PALM2AKAP2: variants seen among roughly 807,000 people sequenced by gnomAD.
PALM2AKAP2 encodes the protein PALM2 and AKAP2 fusion, also known as PALM2-AKAP2 fusion protein.
Under a neutral mutation model 71.5 loss-of-function variants are expected in PALM2AKAP2, and 37 were observed. That is an observed-to-expected ratio of 0.52 (90% CI 0.40 to 0.68). The LOEUF is 0.68. PALM2AKAP2 is among the 30% of genes least tolerant of loss of function. PALM2AKAP2 has a pLI of 0.00. For missense variants in PALM2AKAP2, 1,224 were observed against 1,191.8 expected (o/e 1.03, Z -0.40); for synonymous variants, 468 against 478.8 (o/e 0.98, Z 0.29).
At chr9:109,984,565 A>G (rs1832337292) in intron 6 of PALM2AKAP2, among the ~76,000 whole-genome samples, 1 of 152,276 alleles carries the variant, frequency 6.6e-6, no homozygotes, top group Non-Finnish European at 1.5e-5. Flanking sequence ...ACAAAATTTT[A>G]GAAACTTTGG....
chr9:109,912,563 T>C (rs114744179), intron 3 of PALM2AKAP2, among the ~76,000 whole-genome samples: 495 of 152,346 alleles, frequency 3.2e-3, no homozygotes, highest in African/African-American at 0.011. Context: ...AAATGCGCTG[T>C]CTTCCTGAAA....
intron 3 of PALM2AKAP2, among the ~76,000 whole-genome samples, chr9:110,162,747 G>A (rs573263056): frequency 6.6e-6 from 1 of 152,304 alleles, no homozygotes; most frequent in African/African-American, 2.4e-5. Context: ...CTGTTGCCCA[G>A]GGTGGAGTAC....
chr9:109,929,062 C>T (rs1831026404), intron 5 of PALM2AKAP2, among the ~76,000 whole-genome samples: 1 of 152,206 alleles, frequency 6.6e-6, no homozygotes. Flanking sequence ...AAAGGTAACT[C>T]CATCATCCAT....
intron 3 of PALM2AKAP2, among the ~76,000 whole-genome samples, chr9:109,893,400 G>A (rs1359951313): frequency 6.6e-6 from 1 of 152,194 alleles, no homozygotes; most frequent in Non-Finnish European, 1.5e-5. Flanking sequence ...GGCAGACCAA[G>A]TTGAAAAGCG....
rs988263604 is a variant in PALM2AKAP2, at chr9:109,739,895, G to A, written c.6-40593G>A. 1.8e-4 allele frequency among the ~76,000 whole-genome samples: 28 copies of A among 152,174 alleles called. 1 individual carries two copies. Among genetic ancestry groups the A allele is most frequent in the Admixed American group, 1.6e-3 (24 of 15,264 alleles). On this transcript the variant is annotated intron_variant, in intron 1 of 6. Transcript: ENST00000374531. ...TCCCACCCGGAACACAAAATACACT[G>A]TCATGTGTCATCTTGCTTTGTGACT...
At chr9:109,965,412 G>T (rs1373844594) in intron 6 of PALM2AKAP2, among the ~76,000 whole-genome samples, 1 of 152,162 alleles carries the variant, frequency 6.6e-6, no homozygotes, top group East Asian at 1.9e-4. Context: ...GCCATAAAAG[G>T]AATGAAATTT....
chr9:109,708,506 C>A (rs532963364), intron 1 of PALM2AKAP2, among the ~76,000 whole-genome samples: 1 of 152,294 alleles, frequency 6.6e-6, no homozygotes, highest in South Asian at 2.1e-4. Context: ...GGCAGGAAAT[C>A]ATTTCAGAGT....
At chr9:110,091,646 T>C (rs1834715920) in intron 1 of PALM2AKAP2, among the ~76,000 whole-genome samples, 1 of 151,984 alleles carries the variant, frequency 6.6e-6, no homozygotes, top group South Asian at 2.1e-4. Flanking sequence ...GTATTTTTAG[T>C]AGAGATGGGG....
chr9:110,069,406 C>T (rs1834156617), intron 1 of PALM2AKAP2, among the ~76,000 whole-genome samples: 1 of 152,114 alleles, frequency 6.6e-6, no homozygotes, highest in Admixed American at 6.5e-5. Context: ...ATTTGTTTGT[C>T]CCAGGAACAG....
intron 1 of PALM2AKAP2, among the ~76,000 whole-genome samples, chr9:109,764,799 GA>G (rs1352296647): frequency 1.5e-5 from 2 of 134,350 alleles, no homozygotes; most frequent in African/African-American, 5.7e-5. Context: ...TGAATGAACG[GA>G]TAAAGGGATG....
At chr9:109,867,705 C>T (rs1170451093) in intron 2 of PALM2AKAP2, 134 bp downstream of exon 2, 7 of 1,002,010 alleles carry the variant, frequency 7.0e-6, no homozygotes, top group African/African-American at 6.6e-5. Flanking sequence ...ATCAGGAAAC[C>T]ATCTCTTGGC....
intron 1 of PALM2AKAP2, among the ~76,000 whole-genome samples, chr9:109,723,726 C>A (rs1398784554): frequency 1.3e-5 from 2 of 152,160 alleles, no homozygotes; most frequent in African/African-American, 2.4e-5. Context: ...GTACACAGCA[C>A]CTGCAAAAAA....
chr9:110,118,259 G>A (rs7861940), intron 1 of PALM2AKAP2, among the ~76,000 whole-genome samples: 2 of 151,214 alleles, frequency 1.3e-5, no homozygotes, highest in Non-Finnish European at 2.9e-5. Context: ...ATTTAATTTT[G>A]GTTTTTGAGA....
chr9:109,701,242 A>T (rs960340556), intron 1 of PALM2AKAP2, among the ~76,000 whole-genome samples: 2 of 152,190 alleles, frequency 1.3e-5, no homozygotes, highest in African/African-American at 4.8e-5. Context: ...GGAAAAAACT[A>T]CTTTAAAGTT....
At chr9:110,024,020 A>C (rs140701770) in intron 7 of PALM2AKAP2, among the ~76,000 whole-genome samples, 1 of 152,340 alleles carries the variant, frequency 6.6e-6, no homozygotes, top group East Asian at 1.9e-4. Flanking sequence ...CCTTGCTACA[A>C]TATCATTTCC....
At chr9:109,686,472 T>C (rs1827806832) in intron 1 of PALM2AKAP2, among the ~76,000 whole-genome samples, 2 of 152,246 alleles carry the variant, frequency 1.3e-5, no homozygotes, top group South Asian at 2.1e-4. Flanking sequence ...AAGTCTTGGG[T>C]GACCAGGTGC....
intron 1 of PALM2AKAP2, among the ~76,000 whole-genome samples, chr9:109,782,474 C>A (rs932045808): frequency 1.2e-4 from 19 of 152,092 alleles, no homozygotes; most frequent in African/African-American, 4.3e-4. Flanking sequence ...CATGTACAGA[C>A]TTTTTCTTGT....
intron 2 of PALM2AKAP2, among the ~76,000 whole-genome samples, chr9:110,145,500 A>T (rs1206925991): frequency 6.6e-6 from 1 of 152,184 alleles, no homozygotes; most frequent in African/African-American, 2.4e-5. Flanking sequence ...ATGAGCAGGG[A>T]TAAGTGTTCA....
intron 1 of PALM2AKAP2, among the ~76,000 whole-genome samples, chr9:109,691,943 CAT>C (rs55748233): frequency 2.2e-4 from 25 of 112,004 alleles, no homozygotes; most frequent in Admixed American, 4.7e-4. Context: ...TATATATACA[CAT>C]ATATATATAT....
Sources: gnomAD v4.1 joint callset for allele counts (sites outside exome capture counted in the v4.1 genomes callset) on GRCh38, gnomAD v4.1.1 for gene constraint, MANE v1.5 for transcripts, NCBI Gene and HGNC (gene_info 2026-07-23, HGNC 2026-07-21) for gene names.